MIPOL1: variants seen among roughly 807,000 people sequenced by gnomAD.
MIPOL1 encodes the protein mirror-image polydactyly 1, also known as mirror-image polydactyly gene 1 protein.
In MIPOL1, 57 loss-of-function variants were observed where a neutral mutation model predicts 60.9. That is an observed-to-expected ratio of 0.94 (90% CI 0.76 to 1.17). MIPOL1 has a LOEUF of 1.17. Ranked by LOEUF, MIPOL1 falls within the 50% of genes most tolerant of loss-of-function variation. The probability of loss-of-function intolerance (pLI) is 0.00; values close to 1 mark genes in which losing one functional copy is unlikely to be tolerated. For missense variants in MIPOL1, 551 were observed against 511.6 expected, an observed-to-expected ratio of 1.08 and a Z score of -0.74; for synonymous variants, 179 against 168.8, an observed-to-expected ratio of 1.06 and a Z score of -0.47.
At chr14:37,308,567 C>T in intron 9 of MIPOL1, 48 bp downstream of exon 9, 1 of 1,359,734 alleles carries the variant, frequency 7.4e-7, no homozygotes. Flanking sequence ...ATTTTCCTCT[C>T]TATTTTTTTA....
At chr14:37,353,282 T>A (rs2091544547) in intron 9 of MIPOL1, among the ~76,000 whole-genome samples, 2 of 127,702 alleles carry the variant, frequency 1.6e-5, no homozygotes, top group African/African-American at 3.0e-5. Context: ...AATAAGCTTT[T>A]TGATGTGCTG....
chr14:37,552,227 C>G (rs568843452), downstream of MIPOL1: 10 of 152,144 alleles, frequency 6.6e-5, no homozygotes, highest in African/African-American at 2.4e-4. Flanking sequence ...TGTTTCATCA[C>G]GTATGACCTT....
chr14:37,302,633 CTTTT>C (rs59760327), intron 7 of MIPOL1, among the ~76,000 whole-genome samples: 1 of 125,140 alleles, frequency 8.0e-6, no homozygotes. Flanking sequence ...ATTAAAAAAT[CTTTT>C]TTTTTTTTTT....
At chr14:37,361,397 C>T (rs2092230582) in intron 9 of MIPOL1, among the ~76,000 whole-genome samples, 1 of 152,048 alleles carries the variant, frequency 6.6e-6, no homozygotes, top group South Asian at 2.1e-4. Context: ...AACCTTCTCT[C>T]TCATTGATCA....
At chr14:37,324,589 CA>C (rs2088951297) in intron 9 of MIPOL1, among the ~76,000 whole-genome samples, 1 of 151,960 alleles carries the variant, frequency 6.6e-6, no homozygotes, top group Admixed American at 6.6e-5. Context: ...TCTAATTTAT[CA>C]GTATTTTAGT....
chr14:37,282,747 CAAAAAAAAAAAAA>C (rs59301708), intron 6 of MIPOL1, among the ~76,000 whole-genome samples: 13 of 67,898 alleles, frequency 1.9e-4, no homozygotes, highest in Non-Finnish European at 2.7e-4. Context: ...GACCCTGTCT[CAAAAAAAAAAAAA>C]AAAAAAAAAA....
intron 9 of MIPOL1, among the ~76,000 whole-genome samples, chr14:37,317,047 A>G (rs1298126484): frequency 1.3e-5 from 2 of 152,118 alleles, no homozygotes; most frequent in African/African-American, 2.4e-5. Flanking sequence ...GTAAATTGAT[A>G]GGAAATAGGT....
At chr14:37,228,316 C>CTTTCT (rs1970067609) in intron 1 of MIPOL1, among the ~76,000 whole-genome samples, 2 of 132,910 alleles carry the variant, frequency 1.5e-5, no homozygotes, top group African/African-American at 2.9e-5. Context: ...TCAATGATTT[C>CTTTCT]TTTCTTTTCT....
chr14:37,401,342 A>G (rs2153530071), intron 10 of MIPOL1: 1 of 152,240 alleles, frequency 6.6e-6, no homozygotes, highest in South Asian at 2.1e-4. Context: ...GAATAAGTAA[A>G]TTACATCTTT....
At chr14:37,425,570 C>T (rs926405532) in intron 11 of MIPOL1, among the ~76,000 whole-genome samples, 2 of 152,134 alleles carry the variant, frequency 1.3e-5, no homozygotes, top group African/African-American at 2.4e-5. Context: ...ATAAATGAAC[C>T]TCACCAAGCT....
At chr14:37,410,603 G>T (rs951526847) in intron 10 of MIPOL1, among the ~76,000 whole-genome samples, 4 of 152,000 alleles carry the variant, frequency 2.6e-5, no homozygotes, top group Non-Finnish European at 4.4e-5. Context: ...TAATATAAAT[G>T]AATATTCGGT....
intron 12 of MIPOL1, chr14:37,503,187 T>G (rs1266217876): frequency 6.6e-6 from 1 of 152,204 alleles, no homozygotes; most frequent in African/African-American, 2.4e-5. Context: ...TGGAGAACAC[T>G]CTTCAGGATA....
chr14:37,282,610 G>A (rs1488610019), intron 6 of MIPOL1, among the ~76,000 whole-genome samples: 2 of 151,912 alleles, frequency 1.3e-5, no homozygotes, highest in Non-Finnish European at 2.9e-5. Context: ...CAAGGTGGGA[G>A]AATCACTTGA....
intron 9 of MIPOL1, 106 bp from the exon 10 acceptor site, chr14:37,369,411 C>T: frequency 2.8e-5 from 17 of 596,508 alleles, no homozygotes; most frequent in South Asian, 9.7e-5. Flanking sequence ...AAAAAAAAAC[C>T]TTGTCTTTTA....
At chr14:37,457,521 C>G (rs1208986093) in intron 11 of MIPOL1, among the ~76,000 whole-genome samples, 2 of 152,128 alleles carry the variant, frequency 1.3e-5, no homozygotes, top group Non-Finnish European at 2.9e-5. Flanking sequence ...CCCTCACTCA[C>G]CTTACTCTAC....
At chr14:37,499,283 C>A (rs957312317) in intron 11 of MIPOL1, among the ~76,000 whole-genome samples, 3 of 151,956 alleles carry the variant, frequency 2.0e-5, no homozygotes, top group African/African-American at 7.2e-5. Context: ...TATGCTATTT[C>A]TCTGTATGAC....
chr14:37,446,384 A>G (rs2094335313), intron 11 of MIPOL1, among the ~76,000 whole-genome samples: 2 of 152,200 alleles, frequency 1.3e-5, no homozygotes, highest in Admixed American at 1.3e-4. Flanking sequence ...ATACCATCTC[A>G]CACCAGTTAG....
intron 11 of MIPOL1, among the ~76,000 whole-genome samples, chr14:37,450,158 C>A (rs142391705): frequency 2.0e-5 from 3 of 152,100 alleles, no homozygotes; most frequent in African/African-American, 7.2e-5. Context: ...TTCAGCTCTT[C>A]CCATCCTGTC....
At chr14:37,312,499 A>G (rs1595075148) in intron 9 of MIPOL1, among the ~76,000 whole-genome samples, 7 of 152,150 alleles carry the variant, frequency 4.6e-5, no homozygotes. Context: ...TTCCATATAG[A>G]TATTAAAAAT....
Sources: allele counts gnomAD v4.1 joint callset (sites outside exome capture counted in the v4.1 genomes callset), GRCh38; gene constraint gnomAD v4.1.1; transcripts MANE v1.5; gene names NCBI Gene and HGNC (gene_info 2026-07-23, HGNC 2026-07-21).